Variants in CRIM1 observed in about 807,000 individuals in gnomAD.
CRIM1 encodes cysteine rich transmembrane BMP regulator 1, also known as cysteine-rich motor neuron 1 protein.
CRIM1 carries 32 observed loss-of-function variants against 116.4 expected under a neutral mutation model. The observed-to-expected ratio is 0.27, with a 90% CI of 0.21 to 0.37. The LOEUF (loss-of-function observed/expected upper bound fraction) is 0.37, where lower values mean the gene tolerates loss of function less well. Ranked by LOEUF, CRIM1 falls within the 10% of genes least tolerant of loss-of-function variation. The pLI is 1.00. For missense variants in CRIM1, 1,331 were observed against 1,354.8 expected (o/e 0.98, Z 0.28); for synonymous variants, 590 against 509.2 (o/e 1.16, Z -2.13).
At chr2:36,430,521 G>A (rs848503) in intron 2 of CRIM1, among the ~76,000 whole-genome samples, 87,141 of 152,086 alleles carry the variant, frequency 0.57, 25,009 homozygotes, top group South Asian at 0.62. Context: ...CTCAGCTGCA[G>A]CTCACATATT....
chr2:36,457,153 T>A (rs574041331), intron 4 of CRIM1, among the ~76,000 whole-genome samples: 120 of 152,242 alleles, frequency 7.9e-4, no homozygotes, highest in African/African-American at 2.7e-3. Context: ...ATTTATTTTA[T>A]AAATTTTTTA....
chr2:36,393,984 G>T (rs1052911692), intron 1 of CRIM1, among the ~76,000 whole-genome samples: 1 of 152,176 alleles, frequency 6.6e-6, no homozygotes, highest in African/African-American at 2.4e-5. Context: ...GATGGATCTG[G>T]GGACATTGTG....
At chr2:36,520,894 C>T (rs1358042655) in intron 12 of CRIM1, among the ~76,000 whole-genome samples, 5 of 152,144 alleles carry the variant, frequency 3.3e-5, no homozygotes, top group East Asian at 1.9e-4. Context: ...TAACAGAGCT[C>T]ATGAAGTTGG....
intron 5 of CRIM1, among the ~76,000 whole-genome samples, chr2:36,465,007 C>T (rs1172351261): frequency 6.6e-6 from 1 of 152,136 alleles, no homozygotes; most frequent in Non-Finnish European, 1.5e-5. Flanking sequence ...CCATGGCTGT[C>T]GGGAGGTGAC....
At chr2:36,487,360 T>C (rs561287100) in intron 7 of CRIM1, among the ~76,000 whole-genome samples, 1 of 152,302 alleles carries the variant, frequency 6.6e-6, no homozygotes, top group South Asian at 2.1e-4. Context: ...GTGTTTTTCC[T>C]TTCACAAGTT....
At chr2:36,472,833 G>A (rs1238219232) in intron 5 of CRIM1, among the ~76,000 whole-genome samples, 1 of 152,138 alleles carries the variant, frequency 6.6e-6, no homozygotes, top group African/African-American at 2.4e-5. Flanking sequence ...GGAACTTATA[G>A]TGTAGCTGCA....
At chr2:36,518,286 A>T (rs1046820568) in intron 12 of CRIM1, among the ~76,000 whole-genome samples, 1 of 152,244 alleles carries the variant, frequency 6.6e-6, no homozygotes, top group Non-Finnish European at 1.5e-5. Flanking sequence ...TCAAGTTGAC[A>T]GGACTAGTTT....
intron 1 of CRIM1, among the ~76,000 whole-genome samples, chr2:36,371,045 A>G (rs1462435116): frequency 6.6e-6 from 1 of 152,220 alleles, no homozygotes; most frequent in Non-Finnish European, 1.5e-5. Context: ...GATGTGGTCA[A>G]CACATTCTTC....
chr2:36,362,332 A>G (rs995911556), intron 1 of CRIM1, among the ~76,000 whole-genome samples: 2 of 152,256 alleles, frequency 1.3e-5, no homozygotes, highest in Admixed American at 6.5e-5. Flanking sequence ...TTGAATTTGA[A>G]CTAGGTTTAA....
Position 36,548,584 on chromosome 2 carries a change from G to A in CRIM1, c.2994G>A (p.Gln998=). The A allele has an allele frequency of 6.2e-7, 1 of 1,611,816 alleles. No individual in the cohort carries two copies. Among genetic ancestry groups the A allele is most frequent in the African/African-American group, 1.3e-5 (1 of 74,898 alleles). The change falls in exon 17 of 17, where the codon CAG becomes CAA. Residue 998 remains glutamine, a synonymous_variant. Coordinates refer to ENST00000280527, the MANE Select transcript of CRIM1 (RefSeq NM_016441.3). ...SVDCKKGTRV[Q]VDSSQRMLRI... is the part of the protein sequence containing the mutation. ...ACTGCAAGAAAGGAACCAGAGTCCAGGTGGACAGTTCCCAGAGAATGCTAA... is the reference window on the plus strand; with the variant it reads ...ACTGCAAGAAAGGAACCAGAGTCCAAGTGGACAGTTCCCAGAGAATGCTAA...
At chr2:36,459,173 A>G in intron 4 of CRIM1, among the ~76,000 whole-genome samples, 1 of 152,220 alleles carries the variant, frequency 6.6e-6, no homozygotes, top group South Asian at 2.1e-4. Context: ...TGGAAAGTGG[A>G]TTGCAAATTC....
rs760306425 is a variant in CRIM1, at chr2:36,464,562, T to G, written c.898T>G (p.Phe300Val). ...RCECLSGLCG[F>V]PVCEVGSTPR... ...CGAGTGTCTCTCTGGCTTATGTGGT[T>G]TCCCCGTGTGTGAGGTGGGATCCAC... The change falls in exon 5 of 17, where the codon TTC becomes GTC. Residue 300 changes from phenylalanine (F) to valine (V), a missense_variant. This residue lies in a region of CRIM1 where 690 missense variants were observed against 676.0 expected (regional missense o/e 1.02). Transcript: ENST00000280527. The G allele has an allele frequency of 9.3e-6, 15 of 1,614,174 alleles. 1 individual carries two copies. The South Asian group carries it at 1.5e-4, about 17-fold the overall frequency.
At chr2:36,381,903 G>C (rs1386401079) in intron 1 of CRIM1, among the ~76,000 whole-genome samples, 2 of 152,206 alleles carry the variant, frequency 1.3e-5, no homozygotes, top group Non-Finnish European at 2.9e-5. Flanking sequence ...GTTAGTGAAA[G>C]GGGTGGGTGC....
At chr2:36,535,558 T>C (rs904264902) in intron 13 of CRIM1, among the ~76,000 whole-genome samples, 2 of 152,218 alleles carry the variant, frequency 1.3e-5, no homozygotes, top group African/African-American at 4.8e-5. Context: ...ATGCCCCTTG[T>C]TGAACCTTAG....
At chr2:36,368,149 G>C (rs1345365769) in intron 1 of CRIM1, among the ~76,000 whole-genome samples, 1 of 152,204 alleles carries the variant, frequency 6.6e-6, no homozygotes, top group Admixed American at 6.5e-5. Context: ...GGAGCAGACT[G>C]AATTTAAAGA....
At chr2:36,474,956 T>C (rs963433150) in intron 5 of CRIM1, among the ~76,000 whole-genome samples, 5 of 151,894 alleles carry the variant, frequency 3.3e-5, no homozygotes, top group African/African-American at 1.2e-4. Context: ...CATTGAACTA[T>C]ATATCTATCC....
intron 15 of CRIM1, among the ~76,000 whole-genome samples, chr2:36,545,955 C>CT (rs1029400692): frequency 9.2e-4 from 140 of 152,230 alleles, no homozygotes; most frequent in African/African-American, 3.2e-3. Context: ...TCTGCACTGG[C>CT]TAAAATGATT....
intron 7 of CRIM1, among the ~76,000 whole-genome samples, chr2:36,488,398 A>G (rs1368645267): frequency 4.6e-5 from 7 of 152,330 alleles, no homozygotes; most frequent in African/African-American, 7.2e-5. Flanking sequence ...GAGAGCCCCA[A>G]ATACTCCCCT....
chr2:36,428,916 AC>A (rs958878110), intron 2 of CRIM1, among the ~76,000 whole-genome samples: 22 of 152,218 alleles, frequency 1.4e-4, no homozygotes. Flanking sequence ...GAATAAAGAC[AC>A]CGTTGAGGGA....
Sources: allele counts gnomAD v4.1 joint callset (sites outside exome capture counted in the v4.1 genomes callset), GRCh38; gene constraint gnomAD v4.1.1; regional missense constraint gnomAD v4.1.1; transcripts MANE v1.5; gene names NCBI Gene and HGNC (gene_info 2026-07-23, HGNC 2026-07-21).